Variants in KCNIP4 observed in about 807,000 individuals in gnomAD.
KCNIP4 encodes the protein potassium voltage-gated channel interacting protein 4.
In KCNIP4, 12 loss-of-function variants were observed where a neutral mutation model predicts 34.0. That is an observed-to-expected ratio of 0.35 (90% CI 0.23 to 0.57). The LOEUF (loss-of-function observed/expected upper bound fraction) is 0.57. KCNIP4 is among the 20% of genes least tolerant of loss of function. The pLI is 0.83. For synonymous variants in KCNIP4, 124 were observed against 102.2 expected (o/e 1.21, Z -1.29); for missense variants, 238 against 311.7 (o/e 0.76, Z 1.78).
intron 1 of KCNIP4, among the ~76,000 whole-genome samples, chr4:21,426,388 T>C (rs372668356): frequency 2.0e-5 from 3 of 152,208 alleles, no homozygotes; most frequent in Non-Finnish European, 4.4e-5. Flanking sequence ...TTAAAATATA[T>C]ACATAACAAT....
At position 21,464,019 on chromosome 4, in the gene KCNIP4, T is replaced by C. The variant is rs540848750; in HGVS notation, c.61+484552A>G. Among the ~76,000 whole-genome samples, 414 of 152,172 alleles carry C rather than the reference T, an allele frequency of 2.7e-3. 5 individuals carry two copies. The highest frequency in any genetic ancestry group is 9.5e-3 in the African/African-American group (394 of 41,544). ...GGCACACAAATGTTCACAGCATTCC[T>C]ATATGATCCTTTTTTATTTCTGTAA... On this transcript the variant is annotated intron_variant, in intron 1 of 8. Transcript: ENST00000382152.
intron 1 of KCNIP4, among the ~76,000 whole-genome samples, chr4:21,863,391 G>A (rs140462280): frequency 0.011 from 1,603 of 152,226 alleles, 17 homozygotes; most frequent in Middle Eastern, 0.048. Context: ...GCCTGTGGGA[G>A]TGAGTATGTC....
At chr4:21,639,490 A>G (rs1746458151) in intron 1 of KCNIP4, among the ~76,000 whole-genome samples, 1 of 152,200 alleles carries the variant, frequency 6.6e-6, no homozygotes, top group Admixed American at 6.5e-5. Flanking sequence ...TGTCTTTTAT[A>G]TTGTATCACA....
At chr4:21,903,235 C>T (rs1279475785) in intron 1 of KCNIP4, among the ~76,000 whole-genome samples, 1 of 152,104 alleles carries the variant, frequency 6.6e-6, no homozygotes, top group Non-Finnish European at 1.5e-5. Context: ...CCATCTTCCT[C>T]TCAATTTGAG....
In KCNIP4 at chr4:21,065,754, AT is replaced by A. The variant is rs1560690331; in HGVS notation, c.62-183046del. ...TATATATATATATATATATATATAT[AT>A]ATATATATATAACTCAATTTTATTT... On this transcript the variant is annotated intron_variant, in intron 1 of 8. Transcript: ENST00000382152. Among the ~76,000 whole-genome samples, 865 of 143,434 alleles carry A rather than the reference AT, an allele frequency of 6.0e-3. 28 individuals carry two copies. Among genetic ancestry groups the A allele is most frequent in the Admixed American group, 0.051 (725 of 14,340 alleles). The allele number at this position is 143,434 out of a possible 152,430, so 94.1% of individuals were successfully genotyped here. A position where few individuals can be genotyped will look rare whatever the true frequency, so the allele number is the denominator to read the frequency against.
chr4:21,254,617 T>A lies in KCNIP4; in HGVS notation c.62-371908A>T, dbSNP rs543712985. On this transcript the variant is annotated intron_variant, in intron 1 of 8. Transcript: ENST00000382152. ...TTGCCTTACTCTTCCCTATTTATCA[T>A]TTTTTGAGCTTTATTCATGACCTAC... Among the ~76,000 whole-genome samples, 5 of 152,310 alleles carry A rather than the reference T, an allele frequency of 3.3e-5. No homozygotes were observed. In the East Asian group the frequency reaches 7.7e-4, roughly 24 times the overall value.
At chr4:20,802,543 C>A (rs1266784509) in intron 3 of KCNIP4, among the ~76,000 whole-genome samples, 2 of 152,048 alleles carry the variant, frequency 1.3e-5, no homozygotes, top group African/African-American at 4.8e-5. Flanking sequence ...CTAATAGCTG[C>A]AGAATACACA....
intron 1 of KCNIP4, among the ~76,000 whole-genome samples, chr4:20,949,039 A>C (rs1732491743): frequency 6.6e-6 from 1 of 152,174 alleles, no homozygotes; most frequent in African/African-American, 2.4e-5. Flanking sequence ...CCTATAGGTC[A>C]CACCATTGGC....
intron 1 of KCNIP4, among the ~76,000 whole-genome samples, chr4:21,068,538 A>G (rs769105804): frequency 5.3e-5 from 8 of 152,126 alleles, no homozygotes; most frequent in Non-Finnish European, 1.0e-4. Context: ...TAGGTCAAGC[A>G]GGCTCCACAC....
chr4:21,427,261 A>T (rs1463122808), intron 1 of KCNIP4, among the ~76,000 whole-genome samples: 4 of 152,022 alleles, frequency 2.6e-5, no homozygotes, highest in Non-Finnish European at 5.9e-5. Flanking sequence ...ACAAATATTT[A>T]TTGAGCATCT....
chr4:21,416,058 C>G (rs1428011242), intron 1 of KCNIP4, among the ~76,000 whole-genome samples: 2 of 152,200 alleles, frequency 1.3e-5, no homozygotes. Flanking sequence ...GAAGGCACAG[C>G]CATGTGCATT....
At chr4:21,440,184 A>ATTG (rs1727336597) in intron 1 of KCNIP4, among the ~76,000 whole-genome samples, 1 of 152,266 alleles carries the variant, frequency 6.6e-6, no homozygotes, top group South Asian at 2.1e-4. Flanking sequence ...AATATCATTA[A>ATTG]TAGTACAAGC....
At chr4:21,402,390 G>A (rs1350418878) in intron 1 of KCNIP4, among the ~76,000 whole-genome samples, 1 of 152,148 alleles carries the variant, frequency 6.6e-6, no homozygotes, top group African/African-American at 2.4e-5. Context: ...CACAGTTGTG[G>A]ATATTATACC....
At chr4:20,751,566 A>G (rs1753643066) in intron 4 of KCNIP4, among the ~76,000 whole-genome samples, 1 of 152,154 alleles carries the variant, frequency 6.6e-6, no homozygotes, top group South Asian at 2.1e-4. Context: ...TGCATATTTT[A>G]TAATGAGCTT....
intron 1 of KCNIP4, among the ~76,000 whole-genome samples, chr4:21,234,125 CATATATAACGTATATTATAT>C (rs1759063406): frequency 2.8e-5 from 3 of 105,470 alleles, no homozygotes; most frequent in African/African-American, 5.2e-5. Flanking sequence ...TTATATATAA[CATATATAACGTATATTATAT>C]ATAACATATA....
At chr4:21,755,992 G>A (rs755427280) in intron 1 of KCNIP4, among the ~76,000 whole-genome samples, 17 of 152,030 alleles carry the variant, frequency 1.1e-4, no homozygotes, top group East Asian at 1.9e-4. Flanking sequence ...CATAAGTCAC[G>A]CAACACATTT....
chr4:21,383,938 T>C (rs1043288384), intron 1 of KCNIP4, among the ~76,000 whole-genome samples: 3 of 152,160 alleles, frequency 2.0e-5, no homozygotes, highest in Admixed American at 6.6e-5. Context: ...ATCTAGCTCA[T>C]GCCTACCTCT....
At chr4:20,917,319 G>A (rs371800218) in intron 1 of KCNIP4, among the ~76,000 whole-genome samples, 11 of 151,056 alleles carry the variant, frequency 7.3e-5, no homozygotes, top group Admixed American at 6.6e-5. Context: ...TGAACCACCC[G>A]CCCCGGCCAT....
At chr4:21,512,310 C>T (rs1207137039) in intron 1 of KCNIP4, among the ~76,000 whole-genome samples, 2 of 152,090 alleles carry the variant, frequency 1.3e-5, no homozygotes, top group Non-Finnish European at 2.9e-5. Context: ...GTTCATTACC[C>T]AAGCAGTCAT....
Sources: allele counts gnomAD v4.1 joint callset (sites outside exome capture counted in the v4.1 genomes callset), GRCh38; gene constraint gnomAD v4.1.1; transcripts MANE v1.5; gene names NCBI Gene and HGNC (gene_info 2026-07-23, HGNC 2026-07-21).